The following RAB9B variants were observed in gnomAD, a reference collection of about 807,000 sequenced individuals.
RAB9B encodes ras-related protein Rab-9B.
RAB9B carries 1 observed loss-of-function variant against 8.9 expected under a neutral mutation model. The observed-to-expected ratio is 0.11, with a 90% CI of 0.04 to 0.53. RAB9B has a LOEUF of 0.53. Ranked by LOEUF, RAB9B falls within the 20% of genes least tolerant of loss-of-function variation. The pLI, the probability that RAB9B is intolerant of heterozygous loss-of-function variation, is 0.93. For synonymous variants in RAB9B, 63 were observed against 57.0 expected (o/e 1.10, Z -0.47); for missense variants, 82 against 152.9 (o/e 0.54, Z 2.45).
rs780030257 is a variant in RAB9B at position 103,822,748 on chromosome X, C to G, written c.*2431G>C. 4.3e-4 allele frequency: 48 copies of G among 111,759 alleles called. No individual in the cohort carries two copies. Among genetic ancestry groups the G allele is most frequent in the Non-Finnish European group, 1.9e-4 (10 of 53,186 alleles). The allele number at this position is 111,759 out of a possible 1,213,427, so 9.2% of individuals were successfully genotyped here. ...AAACCTATATGCACAGTTCTTGGTACTCACAGATTTCAGCCTTTGGTGTTT... is the reference window on the plus strand; with the variant it reads ...AAACCTATATGCACAGTTCTTGGTAGTCACAGATTTCAGCCTTTGGTGTTT... On this transcript the variant is annotated 3_prime_UTR_variant, in exon 3 of 3. Transcript: ENST00000243298.
At chrX:103,809,265 G>A in the RAB9B span, among the ~76,000 whole-genome samples, 1 of 111,807 alleles carries the variant, frequency 8.9e-6, no homozygotes, top group Admixed American at 9.4e-5. Context: ...TCCTAGTCTG[G>A]GATTTCCAGC....
At chrX:103,793,603 TAC>T in the RAB9B span, among the ~76,000 whole-genome samples, 1 of 111,848 alleles carries the variant, frequency 8.9e-6, no homozygotes, top group Non-Finnish European at 1.9e-5. Flanking sequence ...TTCAGGGTTC[TAC>T]AGAGTGATTG....
chrX:103,790,968 G>A, the RAB9B span: 1 of 244,537 alleles, frequency 4.1e-6, no homozygotes, highest in African/African-American at 2.8e-5. Flanking sequence ...AAAGTGGAAG[G>A]AAAGATGCTC....
At chrX:103,789,083 C>T in the RAB9B span, 5 of 415,762 alleles carry the variant, frequency 1.2e-5, no homozygotes, top group South Asian at 1.4e-4. Context: ...CTGTAGGGAA[C>T]CAGTTAATTA....
At chrX:103,792,910 C>T in the RAB9B span, among the ~76,000 whole-genome samples, 41 of 112,303 alleles carry the variant, frequency 3.7e-4, no homozygotes, top group Non-Finnish European at 5.3e-4. Flanking sequence ...CTTTTCTCTT[C>T]GAAGTTGGGT....
At chrX:103,816,632 G>T in the RAB9B span, among the ~76,000 whole-genome samples, 116 of 112,185 alleles carry the variant, frequency 1.0e-3, no homozygotes, top group African/African-American at 3.6e-3. Flanking sequence ...ACTATTATCA[G>T]AGTGAACAGG....
the RAB9B span, chrX:103,789,455 A>G: frequency 7.8e-6 from 7 of 902,374 alleles, no homozygotes; most frequent in Non-Finnish European, 8.2e-6. Context: ...GTGTGGGTAC[A>G]GCTATTCTGA....
the RAB9B span, among the ~76,000 whole-genome samples, chrX:103,809,735 C>T: frequency 1.8e-5 from 2 of 111,658 alleles, no homozygotes; most frequent in East Asian, 5.6e-4. Context: ...TGCCATGCAG[C>T]ATGGTAGTTC....
chrX:103,785,603 G>C, the RAB9B span: 1 of 1,210,784 alleles, frequency 8.3e-7, no homozygotes, highest in Non-Finnish European at 1.1e-6. Context: ...TGCTGTGCAA[G>C]ATGTCTGGTA....
At chrX:103,789,846 A>T in the RAB9B span, among the ~76,000 whole-genome samples, 1 of 111,580 alleles carries the variant, frequency 9.0e-6, no homozygotes, top group Non-Finnish European at 1.9e-5. Flanking sequence ...AGTTACTCAT[A>T]TGGAAATACT....
At chrX:103,800,750 C>T in the RAB9B span, among the ~76,000 whole-genome samples, 1 of 111,695 alleles carries the variant, frequency 9.0e-6, no homozygotes, top group Middle Eastern at 4.6e-3. Context: ...ATAAATTTGA[C>T]TTGAAATGGC....
At position 103,822,552 on chromosome X, in the gene RAB9B, G is replaced by C. The variant is rs182406843; in HGVS notation, c.*2627C>G. On this transcript the variant is annotated 3_prime_UTR_variant, in exon 3 of 3. Transcript: ENST00000243298. ...TGGAATCTGAGGCCCCTGAAAGTTAGCCAATACATGACAATAAACTAAATA... is the reference window on the plus strand; with the variant it reads ...TGGAATCTGAGGCCCCTGAAAGTTACCCAATACATGACAATAAACTAAATA... 9 of 111,468 alleles carry C rather than the reference G, an allele frequency of 8.1e-5. No individual in the cohort carries two copies. The Admixed American group carries it at 8.6e-4, about 11-fold the overall frequency. 9.2% of individuals were successfully genotyped at this position (111,468 alleles called of 1,213,427 possible).
At position 103,825,321 on chromosome X, in the gene RAB9B, G is replaced by A; in HGVS notation, c.464C>T (p.Ala155Val). 1 of 1,211,363 alleles carries A rather than the reference G, an allele frequency of 8.3e-7. No homozygotes were observed. The highest frequency in any genetic ancestry group is 1.1e-6 in the Non-Finnish European group (1 of 895,399). The change falls in exon 3 of 3, where the codon GCC (alanine) becomes GTC (valine). Residue 155 changes from alanine (A) to valine (V), a missense_variant. Physicochemically the swap from Ala to Val is moderately conservative, Grantham distance 64. Coordinates refer to ENST00000243298, the MANE Select transcript of RAB9B (RefSeq NM_016370.4). ...CACTGTCACATTAGTATCATCTTTGGCACTAGTTTCTAAATAAGGGTAATC... is the reference window on the plus strand; with the variant it reads ...CACTGTCACATTAGTATCATCTTTGACACTAGTTTCTAAATAAGGGTAATC... ...NGDYPYLETS[A>V]KDDTNVTVAF...
chrX:103,779,979 A>G, the RAB9B span: 1 of 112,886 alleles, frequency 8.9e-6, no homozygotes, highest in East Asian at 2.8e-4. Context: ...AGGAAGGGTC[A>G]CAGCAGCCAT....
chrX:103,777,210 G>A, the RAB9B span, among the ~76,000 whole-genome samples: 2 of 111,765 alleles, frequency 1.8e-5, no homozygotes, highest in African/African-American at 3.3e-5. Context: ...CCAGCAGCAC[G>A]TGGAGAGTCC....
chrX:103,779,560 C>A, the RAB9B span, among the ~76,000 whole-genome samples: 1 of 112,068 alleles, frequency 8.9e-6, no homozygotes, highest in Non-Finnish European at 1.9e-5. Context: ...GCCTTCTCTA[C>A]CTCACTTCTC....
At chrX:103,795,159 C>T in the RAB9B span, among the ~76,000 whole-genome samples, 1 of 110,118 alleles carries the variant, frequency 9.1e-6, no homozygotes, top group East Asian at 2.8e-4. Context: ...AGACAGGGAG[C>T]ATGGTGAAGA....
chrX:103,796,967 C>T, the RAB9B span, among the ~76,000 whole-genome samples: 1 of 106,034 alleles, frequency 9.4e-6, no homozygotes, highest in Admixed American at 1.0e-4. Flanking sequence ...GCTGCGGGTG[C>T]AGTGAGCTGT....
the RAB9B span, chrX:103,789,175 G>T: frequency 1.9e-6 from 1 of 516,137 alleles, no homozygotes; most frequent in Non-Finnish European, 3.5e-6. Flanking sequence ...ACTGAAGACT[G>T]GGAGGCCCAC....
Sources: gnomAD v4.1 joint callset for allele counts (sites outside exome capture counted in the v4.1 genomes callset) on GRCh38, gnomAD v4.1.1 for gene constraint, MANE v1.5 for transcripts, NCBI Gene and HGNC (gene_info 2026-07-23, HGNC 2026-07-21) for gene names.